The following OSBPL10 variants were observed in gnomAD, a reference collection of about 807,000 sequenced individuals.
The protein encoded by OSBPL10 is oxysterol binding protein like 10, also known as oxysterol-binding protein-related protein 10.
In OSBPL10, 49 loss-of-function variants were observed where a neutral mutation model predicts 81.7. That is an observed-to-expected ratio of 0.60 (90% confidence interval 0.48 to 0.76). OSBPL10 has a LOEUF of 0.76. Ranked by LOEUF, OSBPL10 falls within the 30% of genes least tolerant of loss-of-function variation. The probability of loss-of-function intolerance (pLI) is 0.00; values close to 1 mark genes in which losing one functional copy is unlikely to be tolerated. For missense variants in OSBPL10, 923 were observed against 987.8 expected (o/e 0.93, Z 0.88); for synonymous variants, 419 against 383.6 (o/e 1.09, Z -1.08).
intron 4 of OSBPL10, among the ~76,000 whole-genome samples, chr3:31,812,760 A>G (rs1203600619): frequency 1.8e-5 from 1 of 54,680 alleles, no homozygotes; most frequent in Non-Finnish European, 3.3e-5. Context: ...GAAAGAAAGA[A>G]AGAAAGAAAG....
chr3:31,684,238 T>C (rs977502100), intron 7 of OSBPL10, 124 bp from the exon 8 acceptor site: 9 of 1,316,970 alleles, frequency 6.8e-6, no homozygotes, highest in Non-Finnish European at 9.3e-6. Context: ...GAGCAGTCTG[T>C]TTTGACTTGT....
intron 3 of OSBPL10, among the ~76,000 whole-genome samples, chr3:31,838,930 G>T (rs1266366897): frequency 6.6e-6 from 1 of 152,140 alleles, no homozygotes; most frequent in African/African-American, 2.4e-5. Context: ...ACTACACCCC[G>T]CATAGCATTT....
At chr3:32,041,879 C>T (rs780586820) in intron 2 of OSBPL10, among the ~76,000 whole-genome samples, 2 of 152,056 alleles carry the variant, frequency 1.3e-5, no homozygotes. Flanking sequence ...AGGCTGGTCT[C>T]GAACTCCTGA....
rs139918274 is a variant in OSBPL10, at chr3:31,733,351, G to A, written c.1001C>T (p.Thr334Ile). 5 of 1,613,804 alleles carry A rather than the reference G, an allele frequency of 3.1e-6. No individual in the cohort carries two copies. The African/African-American group carries it at 5.3e-5, about 17-fold the overall frequency. The change falls in exon 6 of 12, where the codon ACA becomes ATA. Residue 334 changes from threonine (T) to isoleucine (I), a missense_variant. Physicochemically the swap from Thr to Ile is moderately conservative, Grantham distance 89. Coordinates refer to ENST00000396556, the MANE Select transcript of OSBPL10 (RefSeq NM_017784.5). ...SHSTEQLKNG[T>I]LGSLPSASAN... ...ACTGGCTGATGGCAAAGAGCCAAGTGTCCCATTTTTCAGCTGCTCTGTGGA... is the reference window on the plus strand; with the variant it reads ...ACTGGCTGATGGCAAAGAGCCAAGTATCCCATTTTTCAGCTGCTCTGTGGA...
At chr3:31,833,749 T>TC (rs1399436702) in intron 3 of OSBPL10, among the ~76,000 whole-genome samples, 1 of 148,768 alleles carries the variant, frequency 6.7e-6, no homozygotes, top group African/African-American at 2.5e-5. Context: ...TCTCTCTCTC[T>TC]TCTAATTCTG....
chr3:31,734,035 A>T (rs1385216734), intron 5 of OSBPL10, among the ~76,000 whole-genome samples: 1 of 152,084 alleles, frequency 6.6e-6, no homozygotes, highest in Non-Finnish European at 1.5e-5. Context: ...AATTCTAAAT[A>T]TTCACAATAG....
In OSBPL10 at chr3:31,934,215, G is replaced by T. The variant is rs191295533; in HGVS notation, c.281+46684C>A. Among the ~76,000 whole-genome samples the T allele has an allele frequency of 4.2e-3, 638 of 152,056 alleles. 8 individuals carry two copies. Among genetic ancestry groups the T allele is most frequent in the African/African-American group, 0.015 (602 of 41,478 alleles). ...CCAGGCATGGTGATGCCTGTCTGTG[G>T]TAACAGCTACTCAGGAGGCTGAGCG... On this transcript the variant is annotated intron_variant, in intron 1 of 11. Transcript: ENST00000396556.
At chr3:31,663,463 C>T (rs1341220473) in intron 11 of OSBPL10, 8 of 989,112 alleles carry the variant, frequency 8.1e-6, no homozygotes, top group South Asian at 4.6e-5. Context: ...CCCTCCACAA[C>T]TTCAAGAGCA....
At chr3:31,901,095 A>G (rs765582753) in intron 1 of OSBPL10, among the ~76,000 whole-genome samples, 29 of 152,256 alleles carry the variant, frequency 1.9e-4, no homozygotes, top group Non-Finnish European at 2.9e-5. Flanking sequence ...TTCAGCATCT[A>G]TTGAAGAGAC....
intron 1 of OSBPL10, among the ~76,000 whole-genome samples, chr3:31,964,393 G>C (rs1014478001): frequency 5.9e-5 from 9 of 152,214 alleles, no homozygotes; most frequent in African/African-American, 2.2e-4. Flanking sequence ...CTGGCCTCAA[G>C]TGATCTGCCC....
intron 1 of OSBPL10, among the ~76,000 whole-genome samples, chr3:31,892,098 T>C (rs1393253096): frequency 6.6e-6 from 1 of 152,018 alleles, no homozygotes; most frequent in Admixed American, 6.6e-5. Context: ...TTTGACTTAC[T>C]AGGGCCTGTC....
intron 3 of OSBPL10, among the ~76,000 whole-genome samples, chr3:31,870,722 C>CCA (rs1701300696): frequency 6.6e-6 from 1 of 152,054 alleles, no homozygotes; most frequent in African/African-American, 2.4e-5. Context: ...GTGCACCAAT[C>CCA]CACACTCTGT....
chr3:31,683,548 A>T, intron 8 of OSBPL10, 86 bp downstream of exon 8: 1 of 1,510,756 alleles, frequency 6.6e-7, no homozygotes, highest in Non-Finnish European at 8.9e-7. Context: ...ACAACAAAAA[A>T]CTCCACACAC....
chr3:32,014,139 C>CA (rs1293277223), intron 2 of OSBPL10, among the ~76,000 whole-genome samples: 1 of 151,870 alleles, frequency 6.6e-6, no homozygotes, highest in Non-Finnish European at 1.5e-5. Context: ...AGACACACAA[C>CA]AAAAAAAGAG....
At chr3:31,707,722 T>C (rs1469249943) in intron 6 of OSBPL10, among the ~76,000 whole-genome samples, 1 of 152,186 alleles carries the variant, frequency 6.6e-6, no homozygotes, top group Non-Finnish European at 1.5e-5. Context: ...CACAGCAGCA[T>C]GGCAAAGAAG....
intron 4 of OSBPL10, among the ~76,000 whole-genome samples, chr3:31,761,199 C>A (rs779097459): frequency 6.6e-6 from 1 of 152,178 alleles, no homozygotes; most frequent in Non-Finnish European, 1.5e-5. Flanking sequence ...TTCCGCCAGG[C>A]GCGGTGGCTC....
intron 2 of OSBPL10, among the ~76,000 whole-genome samples, chr3:32,044,084 T>C (rs1559554253): frequency 6.6e-6 from 1 of 152,158 alleles, no homozygotes. Context: ...CATGTATCCC[T>C]TAAATCTAAA....
chr3:31,791,559 G>A (rs1358674342), intron 4 of OSBPL10, among the ~76,000 whole-genome samples: 2 of 152,052 alleles, frequency 1.3e-5, no homozygotes, highest in Non-Finnish European at 2.9e-5. Flanking sequence ...TCTAATATGT[G>A]TTTATCTTAA....
At chr3:32,001,265 T>C (rs1015279720) in intron 2 of OSBPL10, among the ~76,000 whole-genome samples, 16 of 152,104 alleles carry the variant, frequency 1.1e-4, no homozygotes, top group South Asian at 2.1e-4. Flanking sequence ...AACTTCCCGG[T>C]CTCCAACCCT....
Sources: gnomAD v4.1 joint callset for allele counts (sites outside exome capture counted in the v4.1 genomes callset) on GRCh38, gnomAD v4.1.1 for gene constraint, MANE v1.5 for transcripts, NCBI Gene and HGNC (gene_info 2026-07-23, HGNC 2026-07-21) for gene names.